Variants in KCNAB1 observed in about 807,000 individuals in gnomAD.
The protein encoded by KCNAB1 is voltage-gated potassium channel subunit beta-1.
Under a neutral mutation model 64.6 loss-of-function variants are expected in KCNAB1, and 35 were observed. The observed-to-expected ratio is 0.54, with a 90% CI of 0.41 to 0.72. KCNAB1 has a LOEUF of 0.72. KCNAB1 is among the 30% of genes least tolerant of loss of function. KCNAB1 has a pLI of 0.00. For synonymous variants in KCNAB1, 177 were observed against 183.8 expected, an observed-to-expected ratio of 0.96 and a Z score of 0.30; for missense variants, 401 against 512.9, an observed-to-expected ratio of 0.78 and a Z score of 2.11.
rs577827625 is a variant in KCNAB1, at chr3:156,468,199, A to G, written c.571+2513A>G. On this transcript the variant is annotated intron_variant, in intron 7 of 13. Transcript: ENST00000490337. ...AGATCTTTATAGACCTATAAACAAG[A>G]CTACGTTGAAATATCTTAGACTTGC... Among the ~76,000 whole-genome samples the G allele has an allele frequency of 4.6e-5, 7 of 152,278 alleles. 1 individual carries two copies. The highest frequency in any genetic ancestry group is 1.7e-4 in the African/African-American group (7 of 41,562).
At chr3:156,490,307 T>A (rs1489956668) in intron 8 of KCNAB1, among the ~76,000 whole-genome samples, 1 of 152,134 alleles carries the variant, frequency 6.6e-6, no homozygotes, top group Non-Finnish European at 1.5e-5. Context: ...ATGGCACTAG[T>A]GGACAAACAC....
intron 1 of KCNAB1, among the ~76,000 whole-genome samples, chr3:156,238,303 T>G (rs577652871): frequency 1.1e-4 from 16 of 151,106 alleles, no homozygotes; most frequent in Non-Finnish European, 2.2e-4. Context: ...GCGCCTGTAG[T>G]CCCAGCTCCT....
intron 1 of KCNAB1, among the ~76,000 whole-genome samples, chr3:156,396,654 C>G (rs1576814520): frequency 6.6e-6 from 1 of 152,210 alleles, no homozygotes. Context: ...TTTAATAAAG[C>G]CTGTTGCTCC....
chr3:156,171,214 C>CACACAT (rs2108326131), intron 1 of KCNAB1, among the ~76,000 whole-genome samples: 2 of 151,994 alleles, frequency 1.3e-5, no homozygotes, highest in South Asian at 4.2e-4. Flanking sequence ...CACACACACA[C>CACACAT]ACACACACAC....
chr3:156,525,365 CA>C (rs550499142), intron 12 of KCNAB1, among the ~76,000 whole-genome samples: 108 of 98,644 alleles, frequency 1.1e-3, no homozygotes, highest in Middle Eastern at 5.8e-3. Flanking sequence ...TAGTTTTTAA[CA>C]AAAAAAAAAA....
intron 1 of KCNAB1, among the ~76,000 whole-genome samples, chr3:156,393,555 AAG>A (rs1713201560): frequency 6.6e-6 from 1 of 152,134 alleles, no homozygotes; most frequent in Non-Finnish European, 1.5e-5. Flanking sequence ...ATATCAAGTC[AAG>A]ATTTCTGTCT....
chr3:156,145,438 A>G (rs2108286134), intron 1 of KCNAB1, among the ~76,000 whole-genome samples: 1 of 152,236 alleles, frequency 6.6e-6, no homozygotes, highest in Non-Finnish European at 1.5e-5. Flanking sequence ...AAGGATTTTT[A>G]GGAAAGAGAA....
At chr3:156,197,984 T>A (rs1279766305) in intron 1 of KCNAB1, among the ~76,000 whole-genome samples, 2 of 152,258 alleles carry the variant, frequency 1.3e-5, no homozygotes, top group Non-Finnish European at 2.9e-5. Flanking sequence ...TCTGGTACAT[T>A]GTGTCTTTGT....
chr3:156,252,079 A>C (rs1323719961), intron 1 of KCNAB1, among the ~76,000 whole-genome samples: 1 of 152,186 alleles, frequency 6.6e-6, no homozygotes, highest in Non-Finnish European at 1.5e-5. Flanking sequence ...GACCCCCAGG[A>C]AATGGAGAGG....
chr3:156,267,311 G>GCTGA (rs1430220195), intron 1 of KCNAB1, among the ~76,000 whole-genome samples: 1 of 152,036 alleles, frequency 6.6e-6, no homozygotes, highest in African/African-American at 2.4e-5. Flanking sequence ...CTTATGGCTG[G>GCTGA]CTGACTCTAG....
intron 8 of KCNAB1, among the ~76,000 whole-genome samples, chr3:156,497,226 G>A (rs1439011218): frequency 6.6e-6 from 1 of 152,160 alleles, no homozygotes; most frequent in East Asian, 1.9e-4. Flanking sequence ...AGCTGCATGA[G>A]TTAAGTGGAG....
chr3:156,380,599 G>A (rs1712077657), intron 1 of KCNAB1, among the ~76,000 whole-genome samples: 1 of 152,196 alleles, frequency 6.6e-6, no homozygotes, highest in Admixed American at 6.5e-5. Context: ...TGCAGCAGGA[G>A]TGTGCCCAGC....
chr3:156,327,437 A>G (rs563189845), intron 1 of KCNAB1, among the ~76,000 whole-genome samples: 2 of 152,300 alleles, frequency 1.3e-5, no homozygotes, highest in East Asian at 1.9e-4. Flanking sequence ...TATTAGCATC[A>G]TACTTTGAGA....
chr3:156,238,740 T>A (rs1278148040), intron 1 of KCNAB1, among the ~76,000 whole-genome samples: 1 of 152,228 alleles, frequency 6.6e-6, no homozygotes, highest in Non-Finnish European at 1.5e-5. Context: ...TTGCTTGTTG[T>A]GTCATTGATT....
chr3:156,507,249 T>C (rs888542463), intron 8 of KCNAB1, among the ~76,000 whole-genome samples: 6 of 152,212 alleles, frequency 3.9e-5, no homozygotes, highest in Non-Finnish European at 5.9e-5. Context: ...ACTGTCAAGA[T>C]TAAGTATATG....
intron 11 of KCNAB1, among the ~76,000 whole-genome samples, chr3:156,517,781 A>G (rs1376607325): frequency 6.6e-6 from 1 of 152,244 alleles, no homozygotes; most frequent in East Asian, 1.9e-4. Flanking sequence ...AAGCATTTCT[A>G]TATATGCAGA....
At chr3:156,524,644 G>A (rs1316137051) in intron 12 of KCNAB1, among the ~76,000 whole-genome samples, 1 of 151,070 alleles carries the variant, frequency 6.6e-6, no homozygotes, top group South Asian at 2.1e-4. Context: ...CTACTTGGGA[G>A]GCTGAGGCAG....
intron 1 of KCNAB1, among the ~76,000 whole-genome samples, chr3:156,342,433 T>G (rs1287836384): frequency 3.3e-5 from 5 of 152,054 alleles, no homozygotes; most frequent in Non-Finnish European, 7.4e-5. Context: ...ACACACCATA[T>G]AGTTCCCAAT....
intron 1 of KCNAB1, among the ~76,000 whole-genome samples, chr3:156,337,104 G>A (rs1298543946): frequency 2.0e-5 from 3 of 152,140 alleles, no homozygotes; most frequent in Admixed American, 2.0e-4. Flanking sequence ...TAATTCACAT[G>A]GCGTTTAGAT....
Sources: gnomAD v4.1 joint callset for allele counts (sites outside exome capture counted in the v4.1 genomes callset) on GRCh38, gnomAD v4.1.1 for gene constraint, MANE v1.5 for transcripts, NCBI Gene and HGNC (gene_info 2026-07-23, HGNC 2026-07-21) for gene names.